SHISA9: variants seen among roughly 807,000 people sequenced by gnomAD.
SHISA9 encodes the protein shisa family member 9.
A neutral mutation model predicts 38.0 loss-of-function variants in SHISA9; 13 were observed. The ratio of observed to expected loss-of-function variants is 0.34; its 90% CI spans 0.22 to 0.54. The LOEUF is 0.54. SHISA9 is among the 20% of genes least tolerant of loss of function. SHISA9 has a pLI of 0.91. For synonymous variants in SHISA9, 275 were observed against 242.0 expected (o/e 1.14, Z -1.27); for missense variants, 538 against 575.8 (o/e 0.93, Z 0.67).
the SHISA9 span, among the ~76,000 whole-genome samples, chr16:13,371,603 C>G: frequency 6.6e-6 from 1 of 152,156 alleles, no homozygotes; most frequent in South Asian, 2.1e-4. Flanking sequence ...TGAAACACTC[C>G]TAAGGAAGTT....
intron 2 of SHISA9, among the ~76,000 whole-genome samples, chr16:12,937,381 TTTA>T (rs2071548399): frequency 6.6e-6 from 1 of 152,200 alleles, no homozygotes; most frequent in African/African-American, 2.4e-5. Context: ...CTGTAATAAG[TTTA>T]TTGTCTGTTC....
chr16:13,215,725 CG>C (rs199836495), intron 4 of SHISA9, among the ~76,000 whole-genome samples: 2,933 of 152,218 alleles, frequency 0.019, 48 homozygotes, highest in Non-Finnish European at 0.03. Context: ...CCTGCCTTGT[CG>C]GGGGAGAGGA....
intron 2 of SHISA9, among the ~76,000 whole-genome samples, chr16:12,940,008 A>G (rs1567346132): frequency 6.6e-6 from 1 of 152,114 alleles, no homozygotes; most frequent in African/African-American, 2.4e-5. Flanking sequence ...TTATTATCCA[A>G]CCAACGAATT....
chr16:13,321,117 C>T, the SHISA9 span, among the ~76,000 whole-genome samples: 6 of 152,248 alleles, frequency 3.9e-5, no homozygotes, highest in South Asian at 6.2e-4. Flanking sequence ...CTACATTGGA[C>T]GGCACATCTT....
intron 2 of SHISA9, among the ~76,000 whole-genome samples, chr16:12,990,475 C>G (rs2072370454): frequency 6.6e-6 from 1 of 152,218 alleles, no homozygotes; most frequent in African/African-American, 2.4e-5. Context: ...AATCACCATT[C>G]TGGCATGAGA....
intron 2 of SHISA9, 155 bp from the exon 3 acceptor site, chr16:13,203,239 A>T (rs4781429): frequency 6.8e-6 from 4 of 585,742 alleles, no homozygotes; most frequent in East Asian, 6.4e-5. Flanking sequence ...TATGAACTCA[A>T]TTGTGTCCCA....
At chr16:13,385,171 C>T in the SHISA9 span, among the ~76,000 whole-genome samples, 5 of 152,166 alleles carry the variant, frequency 3.3e-5, no homozygotes, top group African/African-American at 1.2e-4. Flanking sequence ...AGCAAGGATG[C>T]AGACATTAAT....
At chr16:13,070,443 T>G (rs1474593794) in intron 2 of SHISA9, among the ~76,000 whole-genome samples, 2 of 152,208 alleles carry the variant, frequency 1.3e-5, no homozygotes, top group Non-Finnish European at 2.9e-5. Flanking sequence ...GGCAGATTTT[T>G]TGGGTGATTC....
intron 2 of SHISA9, among the ~76,000 whole-genome samples, chr16:13,072,575 A>G (rs1163881273): frequency 6.6e-6 from 1 of 152,214 alleles, no homozygotes; most frequent in Non-Finnish European, 1.5e-5. Flanking sequence ...CTACGCTTGC[A>G]TGTATCATCT....
At chr16:13,167,154 C>A (rs949466633) in intron 2 of SHISA9, among the ~76,000 whole-genome samples, 2 of 148,344 alleles carry the variant, frequency 1.3e-5, no homozygotes, top group African/African-American at 5.0e-5. Flanking sequence ...CTCACTGCAA[C>A]CTCCGCCTCC....
In SHISA9 at chr16:13,192,660, G is replaced by C. The variant is rs1010516735; in HGVS notation, c.692-10734G>C. ...ACAGGCCGAGGCGGGTGGATCACGAGGTCAGGAGATCGAGACCATCCTGAC... is the reference window on the plus strand; with the variant it reads ...ACAGGCCGAGGCGGGTGGATCACGACGTCAGGAGATCGAGACCATCCTGAC... On this transcript the variant is annotated intron_variant, in intron 2 of 4. Transcript: ENST00000558583. Among the ~76,000 whole-genome samples, 3 of 152,066 alleles carry C rather than the reference G, an allele frequency of 2.0e-5. No individual in the cohort carries two copies. The East Asian group carries it at 5.8e-4, about 29-fold the overall frequency.
At chr16:13,344,700 T>C in the SHISA9 span, among the ~76,000 whole-genome samples, 1 of 152,154 alleles carries the variant, frequency 6.6e-6, no homozygotes, top group African/African-American at 2.4e-5. Flanking sequence ...TTACAATAGA[T>C]GCTATTATTG....
chr16:13,554,297 TAAAAAAAA>T, the SHISA9 span, among the ~76,000 whole-genome samples: 2 of 133,522 alleles, frequency 1.5e-5, no homozygotes, highest in Non-Finnish European at 3.2e-5. Context: ...TGCTAGAGAT[TAAAAAAAA>T]AAAAAAACAC....
chr16:13,357,385 TAGTG>T, the SHISA9 span, among the ~76,000 whole-genome samples: 1 of 151,102 alleles, frequency 6.6e-6, no homozygotes, highest in Non-Finnish European at 1.5e-5. Context: ...GGTTGAGGGA[TAGTG>T]AGGGAGGTTG....
intron 2 of SHISA9, among the ~76,000 whole-genome samples, chr16:13,085,900 A>G (rs531160909): frequency 2.0e-5 from 3 of 152,368 alleles, no homozygotes; most frequent in African/African-American, 7.2e-5. Context: ...AACTTGAAAC[A>G]AAGGAACCAA....
chr16:13,074,662 CTTTTTCT>C (rs2073559744), intron 2 of SHISA9, among the ~76,000 whole-genome samples: 1 of 149,488 alleles, frequency 6.7e-6, no homozygotes, highest in African/African-American at 2.5e-5. Context: ...TTCTCTTTTT[CTTTTTCT>C]TTTTTTTTTT....
At chr16:13,153,126 T>C (rs752878394) in intron 2 of SHISA9, among the ~76,000 whole-genome samples, 2 of 152,174 alleles carry the variant, frequency 1.3e-5, no homozygotes, top group Non-Finnish European at 2.9e-5. Context: ...ACGGCTTTGC[T>C]GACACCTTGA....
the SHISA9 span, among the ~76,000 whole-genome samples, chr16:13,532,225 A>C: frequency 6.6e-6 from 1 of 152,238 alleles, no homozygotes; most frequent in African/African-American, 2.4e-5. Context: ...TTAACCCCCA[A>C]GAACAAATTC....
At chr16:13,532,974 C>T in the SHISA9 span, among the ~76,000 whole-genome samples, 10 of 152,302 alleles carry the variant, frequency 6.6e-5, no homozygotes, top group African/African-American at 1.7e-4. Flanking sequence ...TGCCCCACCT[C>T]AGCCCCTTAC....
Sources: gnomAD v4.1 joint callset for allele counts (sites outside exome capture counted in the v4.1 genomes callset) on GRCh38, gnomAD v4.1.1 for gene constraint, MANE v1.5 for transcripts, NCBI Gene and HGNC (gene_info 2026-07-23, HGNC 2026-07-21) for gene names.